Variants in LMBR1 observed in about 807,000 individuals in gnomAD.
LMBR1 encodes limb region 1 protein homolog.
A neutral mutation model predicts 73.9 loss-of-function variants in LMBR1; 52 were observed. The ratio of observed to expected loss-of-function variants is 0.70; its 90% CI spans 0.56 to 0.89. LMBR1 has a LOEUF of 0.89. Ranked by LOEUF, LMBR1 falls within the 40% of genes least tolerant of loss-of-function variation. LMBR1 has a pLI of 0.00. For synonymous variants in LMBR1, 215 were observed against 209.4 expected (o/e 1.03, Z -0.23); for missense variants, 539 against 579.8 (o/e 0.93, Z 0.72).
chr7:156,706,339 C>G (rs1294341712), intron 15 of LMBR1, among the ~76,000 whole-genome samples: 2 of 152,028 alleles, frequency 1.3e-5, no homozygotes, highest in Non-Finnish European at 2.9e-5. Context: ...GACTTCAACA[C>G]CCTATTCATA....
rs775072509 is a variant in LMBR1, at chr7:156,669,636, G to A, written n.867-349C>T. Among the ~76,000 whole-genome samples the A allele has an allele frequency of 4.3e-4, 66 of 152,168 alleles. No homozygotes were observed. The highest frequency in any genetic ancestry group is 1.5e-3 in the African/African-American group (61 of 41,436). ...TTTCAAGAGGGCGACCCACAGCCAC[G>A]TGAACACTGGAAACTGCCCTCAGAG... On this transcript the variant is annotated intron_variant and non_coding_transcript_variant, in intron 4 of 4. Transcript: ENST00000430825. This position sits in a 1 kb window ranked among gnomAD's most constrained non-coding sequence, Gnocchi z 4.2.
intron 5 of LMBR1, among the ~76,000 whole-genome samples, chr7:156,764,027 AC>A (rs1214315312): frequency 2.0e-5 from 3 of 152,222 alleles, no homozygotes; most frequent in Admixed American, 2.0e-4. Flanking sequence ...TTCATAAAAA[AC>A]ATCTGCAGAG....
chr7:156,677,392 C>G (rs553567677), downstream of LMBR1, among the ~76,000 whole-genome samples: 12 of 152,206 alleles, frequency 7.9e-5, no homozygotes, highest in Non-Finnish European at 1.6e-4. Flanking sequence ...TGAGGCAGGG[C>G]GAGGGTACAC....
chr7:156,677,468 T>G (rs1804282749), downstream of LMBR1, among the ~76,000 whole-genome samples: 1 of 152,154 alleles, frequency 6.6e-6, no homozygotes, highest in Non-Finnish European at 1.5e-5. Context: ...CCCCAGTGAA[T>G]CCTGTCACTG....
chr7:156,743,825 T>C (rs948951791), intron 9 of LMBR1, among the ~76,000 whole-genome samples: 1 of 152,184 alleles, frequency 6.6e-6, no homozygotes, highest in African/African-American at 2.4e-5. Flanking sequence ...CTGAGTAACT[T>C]ACCCCACACC....
intron 1 of LMBR1, among the ~76,000 whole-genome samples, chr7:156,851,570 G>A (rs551353351): frequency 2.1e-4 from 32 of 152,260 alleles, no homozygotes; most frequent in African/African-American, 7.0e-4. Flanking sequence ...CTGGTTTCTT[G>A]AGGAGATGGT....
chr7:156,835,118 G>A (rs1012307579), intron 2 of LMBR1, among the ~76,000 whole-genome samples: 34 of 151,926 alleles, frequency 2.2e-4, no homozygotes, highest in African/African-American at 8.0e-4. Flanking sequence ...CCAGCCTGGT[G>A]ACAGGGCGAG....
In LMBR1 at chr7:156,749,370, T is replaced by C. The variant is rs573901319; in HGVS notation, c.757+7023A>G. 2.6e-5 allele frequency among the ~76,000 whole-genome samples: 4 copies of C among 152,292 alleles called. No individual in the cohort carries two copies. The East Asian group carries it at 7.7e-4, about 29-fold the overall frequency. On this transcript the variant is annotated intron_variant, in intron 9 of 16. Coordinates refer to ENST00000353442, the MANE Select transcript of LMBR1 (RefSeq NM_022458.4). ...AAATGTCTCTGACAGACTACTACTCTGAGATAGTCTAAAGAAGCAACTGCT... is the reference window on the plus strand; with the variant it reads ...AAATGTCTCTGACAGACTACTACTCCGAGATAGTCTAAAGAAGCAACTGCT...
At chr7:156,798,732 G>T (rs1830447583) in intron 4 of LMBR1, among the ~76,000 whole-genome samples, 1 of 152,030 alleles carries the variant, frequency 6.6e-6, no homozygotes, top group African/African-American at 2.4e-5. Flanking sequence ...GAGAACCATG[G>T]TTGTTAATCT....
chr7:156,717,955 T>G (rs1465550752), intron 15 of LMBR1, among the ~76,000 whole-genome samples: 1 of 152,200 alleles, frequency 6.6e-6, no homozygotes, highest in Non-Finnish European at 1.5e-5. Context: ...GAATTAGAAG[T>G]GGCGGCCGGA....
At chr7:156,800,671 A>G (rs1830817507) in intron 4 of LMBR1, among the ~76,000 whole-genome samples, 1 of 152,180 alleles carries the variant, frequency 6.6e-6, no homozygotes, top group Admixed American at 6.5e-5. Context: ...TTTAAGATAC[A>G]TTCTGTAAGG....
chr7:156,735,801 TAC>T (rs1237792292), intron 9 of LMBR1, among the ~76,000 whole-genome samples: 1 of 152,184 alleles, frequency 6.6e-6, no homozygotes, highest in Non-Finnish European at 1.5e-5. Context: ...CATACATTTA[TAC>T]ACACACCTTT....
intron 15 of LMBR1, among the ~76,000 whole-genome samples, chr7:156,704,576 T>A (rs1810498507): frequency 6.8e-6 from 1 of 147,038 alleles, no homozygotes. Context: ...AGGAAAACAA[T>A]AATTCTCCAG....
chr7:156,726,396 A>G (rs1194600018), intron 12 of LMBR1, among the ~76,000 whole-genome samples: 11 of 152,166 alleles, frequency 7.2e-5, no homozygotes, highest in Admixed American at 7.2e-4. Context: ...TTTTTAAAAA[A>G]GTAATGCTAT....
Position 156,682,175 on chromosome 7 carries a change from G to A in LMBR1, c.*1903C>T, listed in dbSNP as rs1805172292. 1 of 152,242 alleles carries A rather than the reference G, an allele frequency of 6.6e-6. No individual in the cohort carries two copies. Among genetic ancestry groups the A allele is most frequent in the African/African-American group, 2.4e-5 (1 of 41,448 alleles). 9.4% of individuals were successfully genotyped at this position (152,242 alleles called of 1,614,324 possible). ...ACTGGCTTAAGTCCTCGGATGGAGA[G>A]AAACTTCCAAATGAACAAAAAGTTG... On this transcript the variant is annotated 3_prime_UTR_variant, in exon 17 of 17. Coordinates refer to ENST00000353442, the MANE Select transcript of LMBR1 (RefSeq NM_022458.4).
intron 1 of LMBR1, among the ~76,000 whole-genome samples, chr7:156,843,776 T>C (rs994498517): frequency 1.3e-5 from 2 of 148,642 alleles, no homozygotes; most frequent in African/African-American, 5.0e-5. Flanking sequence ...ATGGAGGTTG[T>C]CATGAGCCAA....
At chr7:156,827,603 T>C (rs570348948) in intron 3 of LMBR1, among the ~76,000 whole-genome samples, 6 of 152,052 alleles carry the variant, frequency 3.9e-5, no homozygotes, top group Non-Finnish European at 5.9e-5. Context: ...AAAGGATAAA[T>C]TGGCAAAGGA....
downstream of LMBR1, chr7:156,675,728 A>G (rs201397806): frequency 6.8e-6 from 11 of 1,613,928 alleles, no homozygotes; most frequent in Middle Eastern, 1.6e-4. Flanking sequence ...TCCTGTGCTC[A>G]TACAACACCA....
chr7:156,799,752 C>T (rs1394896168), intron 4 of LMBR1, among the ~76,000 whole-genome samples: 2 of 152,194 alleles, frequency 1.3e-5, no homozygotes, highest in Non-Finnish European at 2.9e-5. Flanking sequence ...GAAAGCTAGG[C>T]CTCTTATGCC....
Sources: gnomAD v4.1 joint callset for allele counts (sites outside exome capture counted in the v4.1 genomes callset) on GRCh38, gnomAD v4.1.1 for gene constraint, Gnocchi (gnomAD v3.1) non-coding constraint, MANE v1.5 for transcripts, NCBI Gene and HGNC (gene_info 2026-07-23, HGNC 2026-07-21) for gene names.